Variants in AFF2 observed in about 807,000 individuals in gnomAD.
AFF2 encodes the protein AF4/FMR2 family member 2.
Under a neutral mutation model 76.9 loss-of-function variants are expected in AFF2, and 14 were observed. The ratio of observed to expected loss-of-function variants is 0.18; its 90% CI spans 0.12 to 0.28. The LOEUF is 0.28. Among genes scored for constraint, AFF2 ranks in the 10% least tolerant of loss-of-function variants. The pLI is 1.00. For missense variants in AFF2, 868 were observed against 1,001.1 expected, an observed-to-expected ratio of 0.87 and a Z score of 1.79; for synonymous variants, 398 against 366.7, an observed-to-expected ratio of 1.09 and a Z score of -0.98.
At chrX:148,975,153 T>C (rs948706651) in intron 16 of AFF2, among the ~76,000 whole-genome samples, 3 of 112,209 alleles carry the variant, frequency 2.7e-5, no homozygotes, top group Non-Finnish European at 5.6e-5. Flanking sequence ...TATTGTAAAT[T>C]GAGGGCAATT....
At chrX:148,578,179 A>G (rs1181760654) in intron 1 of AFF2, among the ~76,000 whole-genome samples, 1 of 111,710 alleles carries the variant, frequency 9.0e-6, no homozygotes. Flanking sequence ...GGAAATTTGT[A>G]GTCCTGTGCT....
At chrX:148,853,762 T>G (rs782338792) in intron 7 of AFF2, among the ~76,000 whole-genome samples, 2 of 112,091 alleles carry the variant, frequency 1.8e-5, no homozygotes, top group South Asian at 7.5e-4. Context: ...CAGAGAGCGA[T>G]AGACTTAAAA....
At chrX:148,680,931 T>A (rs2054540113) in intron 3 of AFF2, among the ~76,000 whole-genome samples, 2 of 111,494 alleles carry the variant, frequency 1.8e-5, no homozygotes, top group Admixed American at 9.5e-5. Flanking sequence ...CCCCCATGTC[T>A]CAGAAAAATG....
intron 1 of AFF2, among the ~76,000 whole-genome samples, chrX:148,594,888 T>C (rs1415583575): frequency 8.9e-6 from 1 of 112,146 alleles, no homozygotes; most frequent in African/African-American, 3.2e-5. Flanking sequence ...TTTGTTGTCC[T>C]GGAGTACTTT....
intron 3 of AFF2, among the ~76,000 whole-genome samples, chrX:148,776,035 G>A (rs1557268553): frequency 9.1e-6 from 1 of 110,077 alleles, no homozygotes; most frequent in Non-Finnish European, 1.9e-5. Flanking sequence ...ACAGGCCTGA[G>A]TGTGTGATGG....
chrX:148,546,535 AT>A (rs782090907), intron 1 of AFF2, among the ~76,000 whole-genome samples: 14 of 112,563 alleles, frequency 1.2e-4, no homozygotes, highest in Non-Finnish European at 2.6e-4. Flanking sequence ...AGGATTATGT[AT>A]GAAGAACACA....
chrX:148,704,438 GTATA>G (rs781894020), intron 3 of AFF2, among the ~76,000 whole-genome samples: 477 of 15,369 alleles, frequency 0.031, 72 homozygotes, highest in African/African-American at 0.12. Context: ...TTATATATGT[GTATA>G]TATATATTTA....
chrX:148,615,389 G>A (rs1041824079), intron 1 of AFF2, among the ~76,000 whole-genome samples: 1 of 111,792 alleles, frequency 8.9e-6, no homozygotes, highest in African/African-American at 3.2e-5. Flanking sequence ...GTGTCGTTTT[G>A]GTGGTTTAAA....
chrX:148,504,770 C>T (rs1422474873), intron 1 of AFF2, among the ~76,000 whole-genome samples: 1 of 112,446 alleles, frequency 8.9e-6, no homozygotes, highest in Non-Finnish European at 1.9e-5. Flanking sequence ...GCTTTCTAGA[C>T]AAAAGTGAAC....
intron 7 of AFF2, among the ~76,000 whole-genome samples, chrX:148,865,589 A>C (rs922916051): frequency 2.7e-5 from 3 of 112,123 alleles, no homozygotes; most frequent in Non-Finnish European, 5.6e-5. Flanking sequence ...AAAAGAAGCC[A>C]TTTTACACTG....
intron 1 of AFF2, among the ~76,000 whole-genome samples, chrX:148,631,423 A>G (rs2053979895): frequency 0.034 from 1 of 29 alleles, no homozygotes. Context: ...TACAAGGGCA[A>G]TGCGCAACCT....
At chrX:148,897,793 G>A (rs1189501347) in intron 8 of AFF2, among the ~76,000 whole-genome samples, 1 of 110,356 alleles carries the variant, frequency 9.1e-6, no homozygotes, top group Non-Finnish European at 1.9e-5. Context: ...TTGGTTAGGG[G>A]GAAGAAAATT....
chrX:148,577,925 G>T (rs2053309622), intron 1 of AFF2, among the ~76,000 whole-genome samples: 1 of 112,153 alleles, frequency 8.9e-6, no homozygotes, highest in African/African-American at 3.2e-5. Context: ...CAACTGCATC[G>T]CTGGCCAGGC....
intron 1 of AFF2, among the ~76,000 whole-genome samples, chrX:148,537,239 A>C (rs2052795745): frequency 8.9e-6 from 1 of 112,417 alleles, no homozygotes; most frequent in African/African-American, 3.2e-5. Flanking sequence ...AAAGCTACAG[A>C]CTGGTTAGAT....
At chrX:148,543,898 C>T (rs1320874892) in intron 1 of AFF2, among the ~76,000 whole-genome samples, 1 of 112,416 alleles carries the variant, frequency 8.9e-6, no homozygotes, top group African/African-American at 3.2e-5. Context: ...CTCTTCTGCT[C>T]CTACCATCCA....
chrX:148,562,630 A>G (rs984479249), intron 1 of AFF2, among the ~76,000 whole-genome samples: 1 of 112,302 alleles, frequency 8.9e-6, no homozygotes, highest in East Asian at 2.8e-4. Flanking sequence ...CAGCTTAACT[A>G]TTCCAAACAA....
At chrX:148,636,612 T>G (rs782223269) in intron 1 of AFF2, among the ~76,000 whole-genome samples, 1 of 112,154 alleles carries the variant, frequency 8.9e-6, no homozygotes, top group South Asian at 3.7e-4. Flanking sequence ...GCTTGAACAG[T>G]ATGTGTTAAT....
chrX:148,729,153 G>A (rs1266718561), intron 3 of AFF2, among the ~76,000 whole-genome samples: 2 of 111,959 alleles, frequency 1.8e-5, no homozygotes, highest in Non-Finnish European at 3.8e-5. Flanking sequence ...TCAGAAGAGA[G>A]ACAAGAACAG....
chrX:148,807,714 A>G (rs1412130434), intron 3 of AFF2, among the ~76,000 whole-genome samples: 2 of 112,609 alleles, frequency 1.8e-5, no homozygotes, highest in African/African-American at 6.5e-5. Context: ...CAATACAACA[A>G]TGATATTGAA....
Sources: allele counts gnomAD v4.1 joint callset (sites outside exome capture counted in the v4.1 genomes callset), GRCh38; gene constraint gnomAD v4.1.1; transcripts MANE v1.5; gene names NCBI Gene and HGNC (gene_info 2026-07-23, HGNC 2026-07-21).